The following COMMD10 variants were observed in gnomAD, a reference collection of about 807,000 sequenced individuals.
The protein encoded by COMMD10 is COMM domain-containing protein 10.
In COMMD10, 33 loss-of-function variants were observed where a neutral mutation model predicts 28.9. The observed-to-expected ratio is 1.14, with a 90% CI of 0.87 to 1.53. COMMD10 has a LOEUF of 1.53. Among genes scored for constraint, COMMD10 ranks in the 40% most tolerant of loss-of-function variants. COMMD10 has a pLI of 0.00. For synonymous variants in COMMD10, 110 were observed against 81.7 expected (o/e 1.35, Z -1.87); for missense variants, 310 against 233.4 (o/e 1.33, Z -2.14).
intron 5 of COMMD10, among the ~76,000 whole-genome samples, chr5:116,149,171 C>A (rs1337359303): frequency 7.4e-6 from 1 of 135,228 alleles, no homozygotes; most frequent in African/African-American, 3.5e-5. Flanking sequence ...CATGTCCCTA[C>A]AAAGGACATG....
chr5:116,157,129 A>G (rs967143988), intron 5 of COMMD10, among the ~76,000 whole-genome samples: 1 of 152,082 alleles, frequency 6.6e-6, no homozygotes, highest in Non-Finnish European at 1.5e-5. Flanking sequence ...ACCAATAACA[A>G]TTTTTTAATG....
chr5:116,272,921 T>A (rs1335042545), intron 5 of COMMD10, among the ~76,000 whole-genome samples: 3 of 151,872 alleles, frequency 2.0e-5, no homozygotes, highest in African/African-American at 7.3e-5. Context: ...ATGTGGATGG[T>A]CTGTCACTGT....
chr5:116,276,378 A>G (rs1268564769), intron 5 of COMMD10, among the ~76,000 whole-genome samples: 1 of 151,528 alleles, frequency 6.6e-6, no homozygotes, highest in African/African-American at 2.4e-5. Flanking sequence ...CCAGCCTCCC[A>G]AGTAGTTGGG....
intron 5 of COMMD10, among the ~76,000 whole-genome samples, chr5:116,199,129 C>CA (rs1305906383): frequency 6.6e-6 from 1 of 152,062 alleles, no homozygotes; most frequent in Non-Finnish European, 1.5e-5. Context: ...TTGGTGGTGT[C>CA]AGTGTTCTAG....
At chr5:116,094,517 T>C (rs1308868243) in intron 4 of COMMD10, among the ~76,000 whole-genome samples, 1 of 151,944 alleles carries the variant, frequency 6.6e-6, no homozygotes. Flanking sequence ...GAGAAAAAAA[T>C]AATGGATGCA....
At chr5:116,224,925 A>G (rs1436002068) in intron 5 of COMMD10, among the ~76,000 whole-genome samples, 2 of 152,332 alleles carry the variant, frequency 1.3e-5, no homozygotes, top group African/African-American at 4.8e-5. Context: ...ATATTGTTTA[A>G]ATCTTTTCTT....
chr5:116,174,137 G>T (rs1372251989), intron 5 of COMMD10, among the ~76,000 whole-genome samples: 1 of 141,466 alleles, frequency 7.1e-6, no homozygotes, highest in Non-Finnish European at 1.5e-5. Context: ...TACTATTTTA[G>T]GGAAGGCTTT....
At chr5:116,086,222 A>G (rs75644533) in intron 1 of COMMD10, among the ~76,000 whole-genome samples, 8,183 of 152,292 alleles carry the variant, frequency 0.054, 312 homozygotes, top group African/African-American at 0.11. Context: ...AGTGGGAATC[A>G]GCTTTATGTT....
chr5:116,125,938 A>T (rs181210306), intron 4 of COMMD10, among the ~76,000 whole-genome samples: 1 of 152,084 alleles, frequency 6.6e-6, no homozygotes, highest in African/African-American at 2.4e-5. Context: ...GCCAAGCAGG[A>T]AAGAGAAAGA....
At chr5:116,262,965 C>A (rs1561398307) in intron 5 of COMMD10, among the ~76,000 whole-genome samples, 1 of 151,554 alleles carries the variant, frequency 6.6e-6, no homozygotes, top group African/African-American at 2.4e-5. Context: ...AATGGTTAAC[C>A]TTACAAAGGG....
intron 5 of COMMD10, among the ~76,000 whole-genome samples, chr5:116,161,725 A>T (rs911865991): frequency 2.0e-5 from 3 of 152,186 alleles, no homozygotes; most frequent in African/African-American, 7.2e-5. Context: ...CTTCATCCTC[A>T]TCATCTTCAT....
chr5:116,242,852 A>G (rs2009739444), intron 5 of COMMD10, among the ~76,000 whole-genome samples: 1 of 152,294 alleles, frequency 6.6e-6, no homozygotes, highest in Non-Finnish European at 1.5e-5. Context: ...TAAGAAAAGT[A>G]AATAATAATC....
intron 5 of COMMD10, among the ~76,000 whole-genome samples, chr5:116,221,081 CTTTTTTTTTT>C (rs70978610): frequency 1.4e-5 from 2 of 142,566 alleles, no homozygotes; most frequent in African/African-American, 2.6e-5. Context: ...TTGAGATACT[CTTTTTTTTTT>C]TTTTTTTAAC....
chr5:116,128,787 C>T (rs918090478), intron 4 of COMMD10, among the ~76,000 whole-genome samples: 4 of 152,040 alleles, frequency 2.6e-5, no homozygotes, highest in South Asian at 2.1e-4. Flanking sequence ...CTGAAGTATA[C>T]GTGCCACTTA....
chr5:116,180,578 T>C (rs912980995), intron 5 of COMMD10, among the ~76,000 whole-genome samples: 3 of 152,134 alleles, frequency 2.0e-5, no homozygotes, highest in African/African-American at 7.2e-5. Context: ...CTATTAGCAG[T>C]TCATTCTAAA....
intron 5 of COMMD10, among the ~76,000 whole-genome samples, chr5:116,244,682 A>C (rs573712652): frequency 1.3e-5 from 2 of 151,170 alleles, no homozygotes; most frequent in South Asian, 2.1e-4. Context: ...AAAAAAAGAA[A>C]ACAGCCATAT....
At chr5:116,152,391 G>A (rs1752557898) in intron 5 of COMMD10, among the ~76,000 whole-genome samples, 1 of 152,016 alleles carries the variant, frequency 6.6e-6, no homozygotes, top group Non-Finnish European at 1.5e-5. Context: ...TATGAGCTGT[G>A]AAAGAAGAAA....
chr5:116,268,677 G>A (rs1750670172), intron 5 of COMMD10, among the ~76,000 whole-genome samples: 2 of 151,926 alleles, frequency 1.3e-5, no homozygotes, highest in South Asian at 2.1e-4. Flanking sequence ...ATTCACAATA[G>A]CAAAGACTTG....
intron 5 of COMMD10, among the ~76,000 whole-genome samples, chr5:116,278,451 C>T (rs1750977054): frequency 6.6e-6 from 1 of 151,654 alleles, no homozygotes; most frequent in Non-Finnish European, 1.5e-5. Context: ...ATGGATAGCA[C>T]ATTGTATTTT....
Sources: gnomAD v4.1 joint callset for allele counts (sites outside exome capture counted in the v4.1 genomes callset) on GRCh38, gnomAD v4.1.1 for gene constraint, MANE v1.5 for transcripts, NCBI Gene and HGNC (gene_info 2026-07-23, HGNC 2026-07-21) for gene names.